Variants in PXDNL observed in about 807,000 individuals in gnomAD.
PXDNL encodes the protein peroxidasin like.
Under a neutral mutation model 150.8 loss-of-function variants are expected in PXDNL, and 145 were observed. That is an observed-to-expected ratio of 0.96 (90% CI 0.84 to 1.10). PXDNL has a LOEUF of 1.10. PXDNL is among the 50% of genes least tolerant of loss of function. PXDNL has a pLI of 0.00. For missense variants in PXDNL, 2,087 were observed against 1,873.9 expected (o/e 1.11, Z -2.10); for synonymous variants, 757 against 725.7 (o/e 1.04, Z -0.69).
intron 2 of PXDNL, among the ~76,000 whole-genome samples, chr8:51,624,414 A>G (rs1814323583): frequency 6.6e-6 from 1 of 152,102 alleles, no homozygotes; most frequent in Middle Eastern, 3.2e-3. Context: ...TGGTACTATT[A>G]CCTTTGAATG....
chr8:51,539,860 G>A (rs1812172377), intron 4 of PXDNL, among the ~76,000 whole-genome samples: 1 of 151,210 alleles, frequency 6.6e-6, no homozygotes, highest in African/African-American at 2.4e-5. Context: ...TCAGCTTGAG[G>A]TCTATCAATA....
intron 4 of PXDNL, among the ~76,000 whole-genome samples, chr8:51,517,829 G>A (rs1323312005): frequency 6.6e-6 from 1 of 152,140 alleles, no homozygotes; most frequent in Non-Finnish European, 1.5e-5. Flanking sequence ...AAATATTAAT[G>A]ACTATTTTTT....
At chr8:51,686,742 G>A (rs1330760816) in intron 1 of PXDNL, among the ~76,000 whole-genome samples, 2 of 152,228 alleles carry the variant, frequency 1.3e-5, no homozygotes, top group Non-Finnish European at 2.9e-5. Context: ...TTTGAATGAT[G>A]AAATATTTTG....
At chr8:51,351,505 A>T (rs1055445315) in intron 19 of PXDNL, among the ~76,000 whole-genome samples, 3 of 152,252 alleles carry the variant, frequency 2.0e-5, no homozygotes, top group African/African-American at 7.2e-5. Context: ...CACAGCCCTC[A>T]GTTGGAACCA....
intron 2 of PXDNL, among the ~76,000 whole-genome samples, chr8:51,642,955 G>A (rs1344887858): frequency 1.3e-5 from 2 of 152,100 alleles, no homozygotes; most frequent in African/African-American, 4.8e-5. Flanking sequence ...GCTTCAAAGA[G>A]AATAAAATAC....
chr8:51,374,608 T>G lies in PXDNL; in HGVS notation c.3681A>C (p.Arg1227Ser). The G allele has an allele frequency of 1.2e-6, 2 of 1,613,940 alleles. No homozygotes were observed. The highest frequency in any genetic ancestry group is 1.7e-6 in the Non-Finnish European group (2 of 1,179,872). The change falls in exon 18 of 23, where the codon AGA (arginine) becomes AGC (serine). Residue 1227 changes from arginine to serine, a missense_variant. Arg to Ser is a moderately radical substitution (Grantham distance 110). Coordinates refer to ENST00000356297, the MANE Select transcript of PXDNL (RefSeq NM_144651.5). ...AGATAATCATTCACCTATCTCCATC[T>G]CTTAGCCGCTGAAACTGGGTAACAA... ...CLFVTQFQRL[R>S]DGDRFWYENP...
intron 4 of PXDNL, among the ~76,000 whole-genome samples, chr8:51,523,772 C>T (rs1355680436): frequency 6.6e-6 from 1 of 152,184 alleles, no homozygotes; most frequent in African/African-American, 2.4e-5. Flanking sequence ...GGAGGTCCCT[C>T]AGGCCCAGGG....
chr8:51,487,064 A>T (rs181677608), intron 5 of PXDNL, among the ~76,000 whole-genome samples: 6 of 151,812 alleles, frequency 4.0e-5, no homozygotes, highest in Admixed American at 3.3e-4. Flanking sequence ...AAGTGCTGGG[A>T]TTACAGGAGG....
intron 1 of PXDNL, among the ~76,000 whole-genome samples, chr8:51,664,300 C>G (rs569381465): frequency 6.6e-6 from 1 of 152,254 alleles, no homozygotes; most frequent in Admixed American, 6.5e-5. Flanking sequence ...CAAAGCATAA[C>G]CTCTTGAATT....
intron 2 of PXDNL, among the ~76,000 whole-genome samples, chr8:51,645,480 G>A (rs1462733223): frequency 2.0e-5 from 3 of 152,176 alleles, no homozygotes; most frequent in Admixed American, 2.0e-4. Flanking sequence ...TGCTTGAGGA[G>A]CTGGTAAAAA....
intron 1 of PXDNL, among the ~76,000 whole-genome samples, chr8:51,737,054 T>A (rs758835711): frequency 6.6e-6 from 1 of 152,224 alleles, no homozygotes; most frequent in Admixed American, 6.5e-5. Context: ...CCCTGGATTG[T>A]TTTTTCATTC....
intron 17 of PXDNL, among the ~76,000 whole-genome samples, chr8:51,387,139 C>A (rs1305647195): frequency 6.6e-6 from 1 of 152,108 alleles, no homozygotes; most frequent in African/African-American, 2.4e-5. Context: ...CACAACAAAC[C>A]ATGCCACTGC....
chr8:51,373,638 T>C (rs1008826948), intron 18 of PXDNL, among the ~76,000 whole-genome samples: 2 of 152,218 alleles, frequency 1.3e-5, no homozygotes, highest in African/African-American at 4.8e-5. Flanking sequence ...CTCTATAATT[T>C]GTAAAGGGAA....
intron 4 of PXDNL, among the ~76,000 whole-genome samples, chr8:51,555,859 C>T (rs774896562): frequency 6.6e-6 from 1 of 152,130 alleles, no homozygotes; most frequent in Non-Finnish European, 1.5e-5. Context: ...AACAATATGA[C>T]CTTTTGATAT....
chr8:51,616,629 C>T (rs1310974310), intron 2 of PXDNL, among the ~76,000 whole-genome samples: 2 of 152,152 alleles, frequency 1.3e-5, no homozygotes, highest in Non-Finnish European at 2.9e-5. Context: ...ATATAACCTA[C>T]ATGTGTATAC....
At chr8:51,715,567 C>T (rs1031756602) in intron 1 of PXDNL, among the ~76,000 whole-genome samples, 1 of 152,192 alleles carries the variant, frequency 6.6e-6, no homozygotes, top group Non-Finnish European at 1.5e-5. Context: ...TTCTCCAACT[C>T]CATAAACAGG....
intron 4 of PXDNL, among the ~76,000 whole-genome samples, chr8:51,526,338 T>G (rs928294455): frequency 5.2e-5 from 5 of 96,432 alleles, no homozygotes; most frequent in Admixed American, 3.6e-4. Context: ...AGCTGATCTG[T>G]TTTTTTTTCT....
rs189212483 is a variant in PXDNL, at chr8:51,761,642, T to C, written c.164+47539A>G. The stretch of plus-strand genomic sequence containing the variant: ...AGAGTTAAAATTTAAACCAGGGTTT[T>C]CTGGTATTCTTTTTCAAAATGTACT... On this transcript the variant is annotated intron_variant, in intron 1 of 22. Transcript: ENST00000356297. Among the ~76,000 whole-genome samples, 208 of 152,364 alleles carry C rather than the reference T, an allele frequency of 1.4e-3. 1 individual carries two copies. Among genetic ancestry groups the C allele is most frequent in the African/African-American group, 4.8e-3 (199 of 41,596 alleles).
chr8:51,355,593 A>C (rs1265938174), intron 19 of PXDNL, among the ~76,000 whole-genome samples: 1 of 152,218 alleles, frequency 6.6e-6, no homozygotes, highest in Non-Finnish European at 1.5e-5. Context: ...TAATTTCTAA[A>C]ATAAATGAGA....
Sources: gnomAD v4.1 joint callset for allele counts (sites outside exome capture counted in the v4.1 genomes callset) on GRCh38, gnomAD v4.1.1 for gene constraint, MANE v1.5 for transcripts, NCBI Gene and HGNC (gene_info 2026-07-23, HGNC 2026-07-21) for gene names.